TENM3: variants seen among roughly 807,000 people sequenced by gnomAD.
TENM3 encodes the protein teneurin-3.
In TENM3, 63 loss-of-function variants were observed where a neutral mutation model predicts 255.1. The observed-to-expected ratio is 0.25, with a 90% CI of 0.20 to 0.30. The LOEUF (loss-of-function observed/expected upper bound fraction) is 0.30, where lower values mean the gene tolerates loss of function less well. TENM3 is among the 10% of genes least tolerant of loss of function. The pLI, the probability that TENM3 is intolerant of heterozygous loss-of-function variation, is 1.00. For synonymous variants in TENM3, 1,306 were observed against 1,322.3 expected, an observed-to-expected ratio of 0.99 and a Z score of 0.27; for missense variants, 2,929 against 3,461.1, an observed-to-expected ratio of 0.85 and a Z score of 3.86.
chr4:181,704,995 C>G, the TENM3 span, among the ~76,000 whole-genome samples: 1 of 150,406 alleles, frequency 6.6e-6, no homozygotes, highest in Non-Finnish European at 1.5e-5. Context: ...CACCACTGCA[C>G]TTGGCACTCC....
At chr4:181,996,760 T>A in the TENM3 span, among the ~76,000 whole-genome samples, 1 of 152,080 alleles carries the variant, frequency 6.6e-6, no homozygotes, top group Non-Finnish European at 1.5e-5. Flanking sequence ...GACAAAGAAA[T>A]CACGATCAGC....
At position 182,487,162 on chromosome 4, in the gene TENM3, A is replaced by G. The variant is rs1734836710; in HGVS notation, c.512-113762A>G. ...ACCAGAGTGTGGGATACAATGTGGA[A>G]GAGAAACAGCCATAGCTAGCCCTTT... On this transcript the variant is annotated intron_variant, in intron 3 of 27. Coordinates refer to ENST00000511685, the MANE Select transcript of TENM3 (RefSeq NM_001080477.4). Among the ~76,000 whole-genome samples, 5 of 152,264 alleles carry G rather than the reference A, an allele frequency of 3.3e-5. No homozygotes were observed. The South Asian group carries it at 1.0e-3, about 32-fold the overall frequency.
chr4:182,763,865 G>C (rs531883297), intron 22 of TENM3, among the ~76,000 whole-genome samples: 2 of 152,198 alleles, frequency 1.3e-5, no homozygotes, highest in Non-Finnish European at 2.9e-5. Flanking sequence ...AGTGAGAAAT[G>C]TTATGCCCAG....
At chr4:181,949,249 G>C in the TENM3 span, among the ~76,000 whole-genome samples, 1 of 152,050 alleles carries the variant, frequency 6.6e-6, no homozygotes, top group Non-Finnish European at 1.5e-5. Context: ...AATACAAACT[G>C]GATTTATTTC....
At chr4:181,709,479 T>G in the TENM3 span, among the ~76,000 whole-genome samples, 1 of 152,240 alleles carries the variant, frequency 6.6e-6, no homozygotes, top group Admixed American at 6.5e-5. Flanking sequence ...CTACTGGGAA[T>G]GCCTCTAAAA....
intron 3 of TENM3, among the ~76,000 whole-genome samples, chr4:182,599,219 T>G (rs1747586189): frequency 6.6e-6 from 1 of 152,180 alleles, no homozygotes; most frequent in African/African-American, 2.4e-5. Context: ...TAATAAATCT[T>G]TCATGAATTT....
chr4:181,890,748 G>A, the TENM3 span, among the ~76,000 whole-genome samples: 27 of 152,204 alleles, frequency 1.8e-4, no homozygotes, highest in Admixed American at 9.2e-4. Context: ...CATTTGTATG[G>A]AAAATCATTA....
chr4:182,256,683 G>A (rs1434083214), intron 1 of TENM3, among the ~76,000 whole-genome samples: 1 of 152,002 alleles, frequency 6.6e-6, no homozygotes, highest in East Asian at 1.9e-4. Context: ...AAAGATCATA[G>A]CATTGCAGTT....
the TENM3 span, among the ~76,000 whole-genome samples, chr4:181,672,504 T>C: frequency 6.6e-6 from 1 of 152,150 alleles, no homozygotes; most frequent in Non-Finnish European, 1.5e-5. Flanking sequence ...CTGAAAATCC[T>C]TGGAACGGCA....
At chr4:181,456,117 A>G in the TENM3 span, among the ~76,000 whole-genome samples, 225 of 112,614 alleles carry the variant, frequency 2.0e-3, 1 homozygote, top group African/African-American at 6.3e-3. Context: ...GTGTGTGTAT[A>G]TATATATATA....
chr4:182,608,276 C>T (rs536143723), intron 4 of TENM3, among the ~76,000 whole-genome samples: 2 of 152,022 alleles, frequency 1.3e-5, no homozygotes, highest in East Asian at 3.9e-4. Flanking sequence ...TTTTTTGAGA[C>T]GGGGCCTTGC....
the TENM3 span, among the ~76,000 whole-genome samples, chr4:181,677,967 C>G: frequency 6.6e-6 from 1 of 152,130 alleles, no homozygotes; most frequent in African/African-American, 2.4e-5. Context: ...GTCAACTTTC[C>G]TTTTTATATG....
At chr4:181,787,094 A>G in the TENM3 span, among the ~76,000 whole-genome samples, 7 of 152,228 alleles carry the variant, frequency 4.6e-5, no homozygotes, top group Non-Finnish European at 1.0e-4. Flanking sequence ...CAAGGTTTTA[A>G]GAAAAACCTT....
intron 3 of TENM3, among the ~76,000 whole-genome samples, chr4:182,472,876 C>T (rs190716137): frequency 1.1e-4 from 16 of 152,100 alleles, no homozygotes; most frequent in South Asian, 1.0e-3. Context: ...CCATCATGCC[C>T]GGTTAATTGT....
the TENM3 span, among the ~76,000 whole-genome samples, chr4:181,678,180 T>C: frequency 6.6e-6 from 1 of 152,096 alleles, no homozygotes; most frequent in Non-Finnish European, 1.5e-5. Flanking sequence ...ATAGGAAAGA[T>C]GAAAAATCAC....
intron 11 of TENM3, among the ~76,000 whole-genome samples, chr4:182,684,115 G>A (rs1044820129): frequency 1.4e-4 from 21 of 151,328 alleles, no homozygotes; most frequent in African/African-American, 5.1e-4. Flanking sequence ...CTCAAACTAA[G>A]CAAAACTACA....
the TENM3 span, among the ~76,000 whole-genome samples, chr4:182,035,985 G>A: frequency 6.6e-6 from 1 of 151,910 alleles, no homozygotes; most frequent in Non-Finnish European, 1.5e-5. Context: ...TTCTATCACG[G>A]GGTCTTGTGC....
chr4:181,780,308 G>C, the TENM3 span, among the ~76,000 whole-genome samples: 1 of 152,068 alleles, frequency 6.6e-6, no homozygotes, highest in Non-Finnish European at 1.5e-5. Flanking sequence ...GTTGTTTCCT[G>C]ACTTTTTAAT....
chr4:182,168,742 A>G (rs1429529291), intron 1 of TENM3, among the ~76,000 whole-genome samples: 1 of 152,206 alleles, frequency 6.6e-6, no homozygotes, highest in Non-Finnish European at 1.5e-5. Flanking sequence ...ATAGGTATGG[A>G]TAATTGCATT....
Sources: gnomAD v4.1 joint callset for allele counts (sites outside exome capture counted in the v4.1 genomes callset) on GRCh38, gnomAD v4.1.1 for gene constraint, MANE v1.5 for transcripts, NCBI Gene and HGNC (gene_info 2026-07-23, HGNC 2026-07-21) for gene names.